LYPD4: variants seen among roughly 807,000 people sequenced by gnomAD.
LYPD4 encodes the protein LY6/PLAUR domain containing 4, also known as ly6/PLAUR domain-containing protein 4.
LYPD4 carries 20 observed loss-of-function variants against 18.2 expected under a neutral mutation model. The ratio of observed to expected loss-of-function variants is 1.10; its 90% CI spans 0.77 to 1.59. LYPD4 has a LOEUF of 1.59. Ranked by LOEUF, LYPD4 falls within the 40% of genes most tolerant of loss-of-function variation. The pLI is 0.00. For missense variants in LYPD4, 278 were observed against 300.3 expected (o/e 0.93, Z 0.55); for synonymous variants, 111 against 118.3 (o/e 0.94, Z 0.40).
chr19:41,837,790 C>T, intron 4 of LYPD4, 145 bp downstream of exon 4: 2 of 874,778 alleles, frequency 2.3e-6, no homozygotes, highest in Non-Finnish European at 3.4e-6. Context: ...AGGCGCCTTC[C>T]CCTTCCTCCT....
Position 41,843,715 on chromosome 19 carries a change from A to C in LYPD4, c.-258T>G, listed in dbSNP as rs2073731423. On this transcript the variant is annotated 5_prime_UTR_variant, in exon 1 of 5. Transcript: ENST00000609812. ...ATCTGTGGCCAAGAAAGGTGCCAAG[A>C]CCCGCAGAAAAGCTGGGACACAGGA... The C allele has an allele frequency of 6.6e-6, 1 of 151,942 alleles. No individual in the cohort carries two copies. The highest frequency in any genetic ancestry group is 1.5e-5 in the Non-Finnish European group (1 of 68,056). 9.4% of individuals were successfully genotyped at this position (151,942 alleles called of 1,614,324 possible). A position where few individuals can be genotyped will look rare whatever the true frequency, so the allele number is the denominator to read the frequency against.
chr19:41,839,330 A>G lies in LYPD4; in HGVS notation c.-45T>C. 1 of 1,575,150 alleles carries G rather than the reference A, an allele frequency of 6.3e-7. No homozygotes were observed. The highest frequency in any genetic ancestry group is 8.7e-7 in the Non-Finnish European group (1 of 1,144,614). ...GGGTGCTAGAGGTCAGTCTGGAATC[A>G]GTTTCAGTCTGGATCCCAAGCTCAG... is the stretch of plus-strand genomic sequence containing the variant. On this transcript the variant is annotated 5_prime_UTR_variant, in exon 2 of 5. Coordinates refer to ENST00000609812, the MANE Select transcript of LYPD4 (RefSeq NM_173506.7).
chr19:41,838,758 C>T (rs902659654), intron 3 of LYPD4, 123 bp downstream of exon 3: 9 of 438,264 alleles, frequency 2.1e-5, no homozygotes, highest in African/African-American at 8.5e-5. Flanking sequence ...AATATATATA[C>T]ATATATATAT....
chr19:41,839,734 G>A (rs1386804945), intron 1 of LYPD4, among the ~76,000 whole-genome samples: 1 of 144,446 alleles, frequency 6.9e-6, no homozygotes, highest in Non-Finnish European at 1.5e-5. Flanking sequence ...ATAACCCTTG[G>A]TTCAACATGG....
At chr19:41,841,345 T>C (rs1295391919) in intron 1 of LYPD4, among the ~76,000 whole-genome samples, 1 of 147,348 alleles carries the variant, frequency 6.8e-6, no homozygotes, top group African/African-American at 2.5e-5. Flanking sequence ...ACCTTGTCTA[T>C]ACCAAAAAAA....
rs1555834501 is a variant in LYPD4, at chr19:41,844,009, G to A, written c.-552C>T. ...AATTGATGGAATGGAACCTTGCAGG[G>A]AGAGAGAGGACCAGCAGAGAGAGGG... is the stretch of plus-strand genomic sequence containing the variant. On this transcript the variant is annotated 5_prime_UTR_variant, in exon 1 of 5. Coordinates refer to ENST00000609812, the MANE Select transcript of LYPD4 (RefSeq NM_173506.7). The A allele has an allele frequency of 6.6e-6, 1 of 152,160 alleles. No individual in the cohort carries two copies. The allele number at this position is 152,160 out of a possible 1,614,324, so 9.4% of individuals were successfully genotyped here. A position where few individuals can be genotyped will look rare whatever the true frequency, so the allele number is the denominator to read the frequency against.
chr19:41,839,209 C>A lies in LYPD4; in HGVS notation c.67+10G>T, dbSNP rs1006615795. On this transcript the variant is annotated intron_variant, in intron 2 of 4. Coordinates refer to ENST00000609812, the MANE Select transcript of LYPD4 (RefSeq NM_173506.7). Reference sequence around the variant, plus strand: ...CTGGGTCTTATAGCATCCAGCCCCACAGGACATACGAGGCAGAGTGGAGAT... The same window carrying A: ...CTGGGTCTTATAGCATCCAGCCCCAAAGGACATACGAGGCAGAGTGGAGAT... The A allele has an allele frequency of 1.9e-6, 3 of 1,614,028 alleles. No homozygotes were observed. Among genetic ancestry groups the A allele is most frequent in the Non-Finnish European group, 2.5e-6 (3 of 1,180,032 alleles).
rs149690745 is a variant in LYPD4, at chr19:41,839,120, C to T, written c.68-96G>A. ...GAGTTCAGCCCCCACAGGTCCTGTC[C>T]CCAGCGAAACCTAGATACCCAGCCC... On this transcript the variant is annotated intron_variant, in intron 2 of 4. Coordinates refer to ENST00000609812, the MANE Select transcript of LYPD4 (RefSeq NM_173506.7). 421 of 1,611,862 alleles carry T rather than the reference C, an allele frequency of 2.6e-4. 1 individual carries two copies. The African/African-American group carries it at 5.0e-3, about 19-fold the overall frequency.
chr19:41,837,889 C>T, intron 4 of LYPD4, 46 bp downstream of exon 4: 12 of 1,533,860 alleles, frequency 7.8e-6, no homozygotes, highest in Non-Finnish European at 9.7e-6. Flanking sequence ...TGGACAATGC[C>T]TGGCAGAGAG....
chr19:41,837,373 A>G (rs782319531), intron 4 of LYPD4, 28 bp from the exon 5 acceptor site: 1 of 1,613,222 alleles, frequency 6.2e-7, no homozygotes, highest in Non-Finnish European at 8.5e-7. Context: ...AGAAGTCAGG[A>G]ACACTTTCAA....
At chr19:41,836,966 C>T (rs1290852974), downstream of LYPD4, 2 of 1,257,498 alleles carry the variant, frequency 1.6e-6, no homozygotes, top group African/African-American at 1.5e-5. Flanking sequence ...GGGCAGGACA[C>T]TGTCACTTTG....
At chr19:41,836,380 T>C (rs1555830328), downstream of LYPD4, among the ~76,000 whole-genome samples, 1 of 138,560 alleles carries the variant, frequency 7.2e-6, no homozygotes, top group African/African-American at 2.7e-5. Flanking sequence ...TCAATGAAAT[T>C]GCCTCAGCAG....
At chr19:41,840,955 A>G (rs987394912) in intron 1 of LYPD4, among the ~76,000 whole-genome samples, 38 of 152,242 alleles carry the variant, frequency 2.5e-4, no homozygotes, top group African/African-American at 8.4e-4. Flanking sequence ...AAAAATAAAT[A>G]TATTCATGAA....
intron 1 of LYPD4, among the ~76,000 whole-genome samples, chr19:41,843,032 T>TAAAA (rs57864902): frequency 4.1e-5 from 1 of 24,414 alleles, no homozygotes; most frequent in Non-Finnish European, 7.1e-5. Context: ...ACCCCATCGC[T>TAAAA]AAAAAAAAAA....
intron 1 of LYPD4, among the ~76,000 whole-genome samples, chr19:41,842,192 G>A (rs898471310): frequency 1.3e-5 from 2 of 151,968 alleles, no homozygotes; most frequent in Admixed American, 6.6e-5. Flanking sequence ...ACAGGTGTGC[G>A]CCAACACACC....
In LYPD4 at chr19:41,838,144, C is replaced by A; in HGVS notation, c.329G>T (p.Cys110Phe). 6.2e-7 allele frequency: 1 copy of A among 1,612,988 alleles called. No homozygotes were observed. Among genetic ancestry groups the A allele is most frequent in the Non-Finnish European group, 8.5e-7 (1 of 1,179,212 alleles). Residue 110 changes from cysteine to phenylalanine, a missense_variant, in exon 4 of 5, where the codon TGC becomes TTC. Physicochemically the swap from Cys to Phe is radical, Grantham distance 205. Coordinates refer to ENST00000609812, the MANE Select transcript of LYPD4 (RefSeq NM_173506.7). ...GVSIASYSRV[C>F]RSYLCNNLTN... ...GAGGTTGTTGCAGAGATAAGACCGG[C>A]AGACGCGACTGTAGGAGGCAATGGA...
intron 3 of LYPD4, among the ~76,000 whole-genome samples, 175 bp from the exon 4 acceptor site, chr19:41,838,436 T>C (rs560230450): frequency 6.6e-6 from 1 of 152,098 alleles, no homozygotes; most frequent in East Asian, 1.9e-4. Context: ...GGTCTCCATC[T>C]GGATCTCCTC....
At chr19:41,843,045 A>C (rs2073672812) in intron 1 of LYPD4, among the ~76,000 whole-genome samples, 2 of 34,794 alleles carry the variant, frequency 5.7e-5, no homozygotes, top group East Asian at 1.2e-3. Context: ...AAAAAAAAAA[A>C]AAAAAAAAAA....
At position 41,839,395 on chromosome 19, in the gene LYPD4, G is replaced by T. The variant is rs1366947024; in HGVS notation, c.-110C>A. On this transcript the variant is annotated 5_prime_UTR_variant, in exon 2 of 5. Transcript: ENST00000609812. ...CGAATTCTTTGTCCACCTGTCTCTG[G>T]GTCACTGTTTCTGGAGCAGAAAGTT... The T allele has an allele frequency of 1.9e-6, 2 of 1,030,440 alleles. No homozygotes were observed. Among genetic ancestry groups the T allele is most frequent in the Admixed American group, 2.0e-5 (1 of 51,202 alleles). 63.8% of individuals were successfully genotyped at this position (1,030,440 alleles called of 1,614,324 possible). A position where few individuals can be genotyped will look rare whatever the true frequency, so the allele number is the denominator to read the frequency against.
Sources: allele counts gnomAD v4.1 joint callset (sites outside exome capture counted in the v4.1 genomes callset), GRCh38; gene constraint gnomAD v4.1.1; transcripts MANE v1.5; gene names NCBI Gene and HGNC (gene_info 2026-07-23, HGNC 2026-07-21).